Variants in SPRED2 observed in about 807,000 individuals in gnomAD.
SPRED2 encodes the protein sprouty related EVH1 domain containing 2, also known as sprouty-related, EVH1 domain-containing protein 2.
In SPRED2, 47 loss-of-function variants were observed where a neutral mutation model predicts 43.0. That is an observed-to-expected ratio of 1.09 (90% CI 0.87 to 1.40). The LOEUF is 1.40. Among genes scored for constraint, SPRED2 ranks in the 40% most tolerant of loss-of-function variants. SPRED2 has a pLI of 0.00. For missense variants in SPRED2, 561 were observed against 586.4 expected (o/e 0.96, Z 0.45); for synonymous variants, 225 against 225.7 (o/e 1.00, Z 0.03).
chr2:65,330,702 C>A (rs1673786711), intron 4 of SPRED2, among the ~76,000 whole-genome samples: 1 of 152,192 alleles, frequency 6.6e-6, no homozygotes, highest in South Asian at 2.1e-4. Flanking sequence ...TGCATAATGA[C>A]ATGCATCTGC....
intron 1 of SPRED2, among the ~76,000 whole-genome samples, chr2:65,431,216 T>C (rs1204119684): frequency 6.7e-6 from 1 of 150,152 alleles, no homozygotes; most frequent in Non-Finnish European, 1.5e-5. Context: ...GACACTCACA[T>C]ACACACACAC....
chr2:65,411,082 A>G (rs905178681), intron 1 of SPRED2, among the ~76,000 whole-genome samples: 1 of 152,200 alleles, frequency 6.6e-6, no homozygotes, highest in Non-Finnish European at 1.5e-5. Context: ...AGGGTTTTCC[A>G]TTTTTATATT....
chr2:65,366,595 A>T (rs1208162217), intron 1 of SPRED2: 9 of 1,553,688 alleles, frequency 5.8e-6, no homozygotes, highest in Non-Finnish European at 7.8e-6. Flanking sequence ...CGTACCTGCC[A>T]GGCGATGCCA....
At chr2:65,421,326 G>A (rs749965774) in intron 1 of SPRED2, among the ~76,000 whole-genome samples, 1 of 152,188 alleles carries the variant, frequency 6.6e-6, no homozygotes, top group Non-Finnish European at 1.5e-5. Flanking sequence ...AAATGCCAAA[G>A]ATGTGAAGTC....
intron 2 of SPRED2, among the ~76,000 whole-genome samples, chr2:65,336,006 A>G (rs1026620399): frequency 1.3e-5 from 2 of 152,234 alleles, no homozygotes; most frequent in Admixed American, 6.5e-5. Context: ...AAATTAGTAT[A>G]CAGATAAATT....
intron 1 of SPRED2, among the ~76,000 whole-genome samples, chr2:65,431,576 G>A (rs1033512003): frequency 1.3e-5 from 2 of 152,244 alleles, no homozygotes; most frequent in African/African-American, 4.8e-5. Flanking sequence ...GAGTCACAAA[G>A]TCACTGTGCA....
chr2:65,402,445 G>A (rs1264139583), intron 1 of SPRED2, among the ~76,000 whole-genome samples: 1 of 152,152 alleles, frequency 6.6e-6, no homozygotes, highest in African/African-American at 2.4e-5. Flanking sequence ...AAGTTTAGAT[G>A]CCTGTTAGAC....
intron 1 of SPRED2, among the ~76,000 whole-genome samples, chr2:65,365,949 G>C (rs187151115): frequency 6.6e-6 from 1 of 152,154 alleles, no homozygotes; most frequent in Admixed American, 6.6e-5. Flanking sequence ...ATTAAATGTT[G>C]CTACCAAATC....
chr2:65,384,975 C>CTT (rs35418849), intron 1 of SPRED2, among the ~76,000 whole-genome samples: 7,108 of 139,734 alleles, frequency 0.051, 343 homozygotes, highest in Middle Eastern at 0.13. Flanking sequence ...TCCACTTCTT[C>CTT]TTTTTTTTTT....
In SPRED2 at chr2:65,378,068, T is replaced by C. The variant is rs114914727; in HGVS notation, c.27-33172A>G. The C allele has an allele frequency of 8.6e-3, 1,638 of 189,946 alleles. 33 individuals are homozygous for C. The highest frequency in any genetic ancestry group is 0.036 in the African/African-American group (1,577 of 43,222). 11.8% of individuals were successfully genotyped at this position (189,946 alleles called of 1,614,324 possible). ...AGGAAGGAGGAGAGAGCCCATCCAG[T>C]AAACATCAGCTGAGCCAAATTCCAT... On this transcript the variant is annotated intron_variant, in intron 1 of 5. Coordinates refer to ENST00000356388, the MANE Select transcript of SPRED2 (RefSeq NM_181784.3).
downstream of SPRED2, chr2:65,308,560 T>G (rs181370352): frequency 1.0e-6 from 1 of 985,324 alleles, no homozygotes; most frequent in Non-Finnish European, 1.2e-6. Flanking sequence ...GAGTTCCTGA[T>G]GTTTCCTCAG....
At chr2:65,375,638 T>C (rs188212186) in intron 1 of SPRED2, among the ~76,000 whole-genome samples, 10 of 152,300 alleles carry the variant, frequency 6.6e-5, no homozygotes, top group East Asian at 1.9e-4. Flanking sequence ...AGAAACCTAA[T>C]AGTAATGCAC....
intron 4 of SPRED2, among the ~76,000 whole-genome samples, chr2:65,320,225 A>G (rs1673370905): frequency 1.3e-5 from 2 of 152,210 alleles, no homozygotes; most frequent in African/African-American, 4.8e-5. Context: ...TGTGTTGAAC[A>G]TTGTAATAAG....
intron 2 of SPRED2, among the ~76,000 whole-genome samples, chr2:65,338,850 G>C (rs1396087617): frequency 6.6e-6 from 1 of 151,806 alleles, no homozygotes; most frequent in Non-Finnish European, 1.5e-5. Context: ...CCTGGGAAGT[G>C]AGGAGCGCCT....
At chr2:65,417,562 C>T (rs79899785) in intron 1 of SPRED2, among the ~76,000 whole-genome samples, 5,810 of 152,252 alleles carry the variant, frequency 0.038, 374 homozygotes, top group African/African-American at 0.13. Flanking sequence ...CTACCTGGGC[C>T]ACCTTTATCT....
chr2:65,316,760 G>A lies in SPRED2; in HGVS notation c.562C>T (p.Pro188Ser). ...YTLGHLHDSY[P>S]TDHYHLDQPM... ...TGATCGAGGTGATAGTGGTCTGTGG[G>A]GTATGAGTCGTGGAGGTGGCCCAGG... Residue 188 changes from proline (P) to serine (S), a missense_variant, in exon 5 of 6, where the codon CCC becomes TCC. Physicochemically the swap from Pro to Ser is moderately conservative, Grantham distance 74 (BLOSUM62 -1). Transcript: ENST00000356388. The A allele has an allele frequency of 6.2e-7, 1 of 1,612,052 alleles. No individual in the cohort carries two copies.
intron 1 of SPRED2, among the ~76,000 whole-genome samples, chr2:65,413,569 CAGA>C (rs1676209741): frequency 6.6e-6 from 1 of 152,210 alleles, no homozygotes; most frequent in Non-Finnish European, 1.5e-5. Flanking sequence ...AGTGGTTCCA[CAGA>C]AGAACTTGCT....
At chr2:65,342,850 G>C (rs1312551154) in intron 2 of SPRED2, among the ~76,000 whole-genome samples, 1 of 152,202 alleles carries the variant, frequency 6.6e-6, no homozygotes, top group Non-Finnish European at 1.5e-5. Context: ...AGTGGCATGT[G>C]TCTGTAGTCC....
chr2:65,401,007 G>A (rs992067295), intron 1 of SPRED2, among the ~76,000 whole-genome samples: 4 of 151,890 alleles, frequency 2.6e-5, no homozygotes, highest in African/African-American at 9.7e-5. Flanking sequence ...TCACTCTGTC[G>A]CCTAGGCTGG....
Sources: allele counts gnomAD v4.1 joint callset (sites outside exome capture counted in the v4.1 genomes callset), GRCh38; gene constraint gnomAD v4.1.1; transcripts MANE v1.5; gene names NCBI Gene and HGNC (gene_info 2026-07-23, HGNC 2026-07-21).